Variants in ERC1 observed in about 807,000 individuals in gnomAD.
ERC1 encodes the protein RAB6 interacting protein 2.
ERC1 carries 56 observed loss-of-function variants against 132.0 expected under a neutral mutation model. The observed-to-expected ratio is 0.42, with a 90% CI of 0.34 to 0.53. ERC1 has a LOEUF of 0.53. Ranked by LOEUF, ERC1 falls within the 20% of genes least tolerant of loss-of-function variation. The probability of loss-of-function intolerance (pLI) is 0.03; values close to 1 mark genes in which losing one functional copy is unlikely to be tolerated. For synonymous variants in ERC1, 478 were observed against 476.1 expected, an observed-to-expected ratio of 1.00 and a Z score of -0.05; for missense variants, 1,202 against 1,349.9, an observed-to-expected ratio of 0.89 and a Z score of 1.72.
chr12:1,046,021 C>A (rs1971021151), intron 2 of ERC1, among the ~76,000 whole-genome samples: 1 of 152,096 alleles, frequency 6.6e-6, no homozygotes, highest in Non-Finnish European at 1.5e-5. Flanking sequence ...AGGCAGGAAG[C>A]AGTAGAGTAA....
chr12:1,169,923 C>T (rs1318833193), intron 8 of ERC1, among the ~76,000 whole-genome samples: 1 of 151,994 alleles, frequency 6.6e-6, no homozygotes, highest in Non-Finnish European at 1.5e-5. Context: ...CCAAAGAAAC[C>T]CCTAGAGGTT....
intron 2 of ERC1, among the ~76,000 whole-genome samples, chr12:1,081,103 A>G (rs1402095602): frequency 1.3e-5 from 2 of 152,182 alleles, no homozygotes; most frequent in African/African-American, 2.4e-5. Context: ...TGTTCTTCCC[A>G]GTATGGTACA....
At position 1,256,277 on chromosome 12, in the gene ERC1, C is replaced by CTT. The variant is rs34218918; in HGVS notation, c.2488-6745_2488-6744dup. Among the ~76,000 whole-genome samples the CTT allele has an allele frequency of 1.0e-3, 149 of 143,166 alleles. 1 individual carries two copies. Among genetic ancestry groups the CTT allele is most frequent in the South Asian group, 4.9e-3 (22 of 4,518 alleles). The allele number at this position is 143,166 out of a possible 152,430, so 93.9% of individuals were successfully genotyped here. On this transcript the variant is annotated intron_variant, in intron 13 of 18. Coordinates refer to ENST00000360905, the MANE Select transcript of ERC1 (RefSeq NM_178040.4). ...ATTTAAAATTAGACTCTGTTTTTGC[C>CTT]TTTTTTTTTTTTTATAACTTTTTCC...
intron 12 of ERC1, among the ~76,000 whole-genome samples, chr12:1,225,103 A>G (rs1365441981): frequency 6.9e-6 from 1 of 145,250 alleles, no homozygotes; most frequent in Admixed American, 6.9e-5. Context: ...ATTTGGGATC[A>G]TGCTCTGTAT....
At chr12:1,411,532 T>G (rs1307962003) in intron 17 of ERC1, among the ~76,000 whole-genome samples, 1 of 152,134 alleles carries the variant, frequency 6.6e-6, no homozygotes, top group Non-Finnish European at 1.5e-5. Flanking sequence ...AGGGCATGAA[T>G]GAAGTTGAAA....
intron 12 of ERC1, chr12:1,204,539 A>G (rs1258528026): frequency 1.6e-5 from 26 of 1,583,792 alleles, no homozygotes; most frequent in Non-Finnish European, 2.1e-5. Flanking sequence ...TAAAACAAAG[A>G]TGATGTGATT....
chr12:1,024,419 C>T (rs973156293), intron 1 of ERC1, among the ~76,000 whole-genome samples: 3 of 151,978 alleles, frequency 2.0e-5, no homozygotes, highest in South Asian at 2.1e-4. Flanking sequence ...CTCTCCACCC[C>T]GCTCCCCCCA....
rs776414325 is a variant in ERC1 at position 1,028,560 on chromosome 12, G to A, written c.657G>A (p.Gln219=). Residue 219 remains glutamine, a synonymous_variant, in exon 2 of 19, where the codon CAG becomes CAA. Coordinates refer to ENST00000360905, the MANE Select transcript of ERC1 (RefSeq NM_178040.4). ...TIWKEQYRVV[Q]EENQHMQMTI... Reference sequence around the variant, plus strand: ...GGAAGGAACAGTACAGAGTTGTACAGGAGGAAAACCAGGTAAGTTCTACGT... The same window carrying A: ...GGAAGGAACAGTACAGAGTTGTACAAGAGGAAAACCAGGTAAGTTCTACGT... 6.2e-6 allele frequency: 10 copies of A among 1,607,802 alleles called. No individual in the cohort carries two copies. The highest frequency in any genetic ancestry group is 7.6e-6 in the Non-Finnish European group (9 of 1,177,096).
At chr12:1,455,265 G>A (rs1020459914) in intron 18 of ERC1, among the ~76,000 whole-genome samples, 2 of 152,140 alleles carry the variant, frequency 1.3e-5, no homozygotes, top group African/African-American at 4.8e-5. Context: ...ATGTACAACA[G>A]ATTAACATTA....
chr12:1,397,452 A>G (rs1173870849), intron 16 of ERC1, among the ~76,000 whole-genome samples: 2 of 152,216 alleles, frequency 1.3e-5, no homozygotes, highest in African/African-American at 2.4e-5. Flanking sequence ...TAGTATATCC[A>G]TCAGAGTGGA....
In ERC1 at chr12:1,459,289, A is replaced by G. The variant is rs141481403; in HGVS notation, c.3213+14539A>G. Reference sequence around the variant, plus strand: ...GATATTGCTGAGATTTTTTTTAAAAAAGAAATCTCTGAACCTCATGGCTAT... The same window carrying G: ...GATATTGCTGAGATTTTTTTTAAAAGAGAAATCTCTGAACCTCATGGCTAT... On this transcript the variant is annotated intron_variant, in intron 18 of 18. Transcript: ENST00000360905. 2.7e-3 allele frequency among the ~76,000 whole-genome samples: 418 copies of G among 152,294 alleles called. 3 individuals are homozygous for G. The highest frequency in any genetic ancestry group is 3.3e-3 in the Non-Finnish European group (225 of 68,018).
chr12:1,326,445 A>G (rs752511705), intron 15 of ERC1, among the ~76,000 whole-genome samples: 24 of 152,340 alleles, frequency 1.6e-4, no homozygotes, highest in Admixed American at 3.3e-4. Flanking sequence ...CAGAAAAGCA[A>G]TTCATCTGTG....
At position 1,414,039 on chromosome 12, in the gene ERC1, A is replaced by C. The variant is rs192773576; in HGVS notation, c.3024+5792A>C. ...TGCAACCTAGATCCCTCCCATGCCC[A>C]GTTCGCAGTAGGGTTTGCGCTCCCG... is the stretch of plus-strand genomic sequence containing the variant. On this transcript the variant is annotated intron_variant, in intron 17 of 18. Coordinates refer to ENST00000360905, the MANE Select transcript of ERC1 (RefSeq NM_178040.4). 1.4e-4 allele frequency among the ~76,000 whole-genome samples: 22 copies of C among 152,286 alleles called. No homozygotes were observed. In the East Asian group the frequency reaches 3.9e-3, roughly 27 times the overall value.
At chr12:1,032,343 C>T (rs1008320127) in intron 2 of ERC1, among the ~76,000 whole-genome samples, 4 of 152,292 alleles carry the variant, frequency 2.6e-5, no homozygotes, top group Admixed American at 6.5e-5. Flanking sequence ...GCCACTGCGC[C>T]GGGTGTAAAT....
At chr12:1,112,124 G>C (rs1436696377) in intron 5 of ERC1, 91 bp from the exon 6 acceptor site, 2 of 794,624 alleles carry the variant, frequency 2.5e-6, no homozygotes, top group Non-Finnish European at 4.3e-6. Context: ...ATAAGTTATT[G>C]TTATTTCTAG....
chr12:1,130,910 G>C (rs1025313854), intron 7 of ERC1, among the ~76,000 whole-genome samples: 1 of 152,110 alleles, frequency 6.6e-6, no homozygotes, highest in Non-Finnish European at 1.5e-5. Flanking sequence ...ACTTGAGCAA[G>C]TTACTTAATT....
At chr12:1,287,829 A>G (rs140181411) in intron 14 of ERC1, among the ~76,000 whole-genome samples, 6 of 152,308 alleles carry the variant, frequency 3.9e-5, no homozygotes, top group African/African-American at 1.2e-4. Flanking sequence ...GTTTCTTATA[A>G]TAAGTCTTTA....
chr12:1,360,521 A>G (rs927783665), intron 15 of ERC1, among the ~76,000 whole-genome samples: 3 of 152,208 alleles, frequency 2.0e-5, no homozygotes, highest in Non-Finnish European at 2.9e-5. Flanking sequence ...CTGTAATCCA[A>G]AACCTATCAC....
At chr12:1,277,850 A>G (rs1175478544) in intron 14 of ERC1, among the ~76,000 whole-genome samples, 2 of 152,210 alleles carry the variant, frequency 1.3e-5, no homozygotes, top group Non-Finnish European at 2.9e-5. Flanking sequence ...TATAGAAAGT[A>G]TATTTTTAAT....
Sources: allele counts gnomAD v4.1 joint callset (sites outside exome capture counted in the v4.1 genomes callset), GRCh38; gene constraint gnomAD v4.1.1; transcripts MANE v1.5; gene names NCBI Gene and HGNC (gene_info 2026-07-23, HGNC 2026-07-21).